The following TMEM178B variants were observed in gnomAD, a reference collection of about 807,000 sequenced individuals.
TMEM178B encodes transmembrane protein 178B.
Under a neutral mutation model 31.0 loss-of-function variants are expected in TMEM178B, and 5 were observed. The ratio of observed to expected loss-of-function variants is 0.16; its 90% CI spans 0.08 to 0.34. The LOEUF is 0.34. Ranked by LOEUF, TMEM178B falls within the 10% of genes least tolerant of loss-of-function variation. The probability of loss-of-function intolerance (pLI) is 1.00; values close to 1 mark genes in which losing one functional copy is unlikely to be tolerated. For missense variants in TMEM178B, 275 were observed against 400.3 expected, an observed-to-expected ratio of 0.69 and a Z score of 2.67; for synonymous variants, 164 against 164.0, an observed-to-expected ratio of 1.00 and a Z score of 0.00.
chr7:141,240,996 CTT>C (rs11285589), intron 2 of TMEM178B, among the ~76,000 whole-genome samples: 21,968 of 144,134 alleles, frequency 0.15, 2,132 homozygotes, highest in East Asian at 0.33. Flanking sequence ...TCTGGGATCC[CTT>C]TTTTTTTTTT....
chr7:141,444,491 T>C (rs1801717223), intron 3 of TMEM178B, among the ~76,000 whole-genome samples: 1 of 152,246 alleles, frequency 6.6e-6, no homozygotes, highest in East Asian at 1.9e-4. Context: ...CTTGTCCTCT[T>C]GTTGTCTTTA....
chr7:141,337,860 C>T (rs1272542746), intron 2 of TMEM178B, among the ~76,000 whole-genome samples: 4 of 151,214 alleles, frequency 2.6e-5, no homozygotes, highest in Admixed American at 6.6e-5. Context: ...TTTTTTGAGA[C>T]GGAGTCTCGC....
At chr7:141,387,080 A>G (rs1440723331) in intron 2 of TMEM178B, among the ~76,000 whole-genome samples, 2 of 152,184 alleles carry the variant, frequency 1.3e-5, no homozygotes, top group Non-Finnish European at 2.9e-5. Context: ...TGGGGAAGTC[A>G]TCATGAGCTA....
intron 2 of TMEM178B, among the ~76,000 whole-genome samples, chr7:141,273,193 G>A (rs897325439): frequency 2.6e-5 from 4 of 152,246 alleles, no homozygotes; most frequent in Non-Finnish European, 1.5e-5. Context: ...TGGAAGCAGA[G>A]TAGTAGAATG....
intron 1 of TMEM178B, among the ~76,000 whole-genome samples, chr7:141,121,590 G>A (rs1436140472): frequency 6.6e-6 from 1 of 152,110 alleles, no homozygotes. Flanking sequence ...TAAAAAGGGT[G>A]TGCATTTTTG....
intron 2 of TMEM178B, among the ~76,000 whole-genome samples, chr7:141,348,023 A>T (rs1374916811): frequency 2.6e-5 from 4 of 152,204 alleles, no homozygotes; most frequent in African/African-American, 9.6e-5. Flanking sequence ...GCTGGGAGAG[A>T]AAAGGGTTTA....
At chr7:141,498,286 C>T in the TMEM178B span, among the ~76,000 whole-genome samples, 1 of 152,184 alleles carries the variant, frequency 6.6e-6, no homozygotes, top group Non-Finnish European at 1.5e-5. Flanking sequence ...AAACTCCTTC[C>T]CCCATCAGAA....
chr7:141,510,965 T>TG, the TMEM178B span, among the ~76,000 whole-genome samples: 10,055 of 152,170 alleles, frequency 0.066, 926 homozygotes, highest in African/African-American at 0.21. Context: ...GGACCATTAC[T>TG]TCACTGTTGA....
Position 141,103,834 on chromosome 7 carries a change from T to C in TMEM178B, c.382+29142T>C, listed in dbSNP as rs977409558. Among the ~76,000 whole-genome samples, 3 of 152,340 alleles carry C rather than the reference T, an allele frequency of 2.0e-5. No homozygotes were observed. In the South Asian group the frequency reaches 6.2e-4, roughly 32 times the overall value. On this transcript the variant is annotated intron_variant, in intron 1 of 3. Transcript: ENST00000565468. ...ATTTATTGGCAGATTTTACTAAGAC[T>C]GTATTAGTGGTGGAATTATGGATTT...
At chr7:141,385,062 A>C (rs986358034) in intron 2 of TMEM178B, among the ~76,000 whole-genome samples, 3 of 152,228 alleles carry the variant, frequency 2.0e-5, no homozygotes, top group African/African-American at 7.2e-5. Context: ...ATTCAAAATG[A>C]AACCCAAAAC....
chr7:141,220,809 C>T (rs1797245799), intron 2 of TMEM178B, among the ~76,000 whole-genome samples: 1 of 152,162 alleles, frequency 6.6e-6, no homozygotes. Flanking sequence ...GAGAACAACC[C>T]CACTGTCCGC....
chr7:141,236,733 G>A (rs1797533117), intron 2 of TMEM178B, among the ~76,000 whole-genome samples: 1 of 152,206 alleles, frequency 6.6e-6, no homozygotes, highest in Admixed American at 6.5e-5. Flanking sequence ...AGGAAAAAGA[G>A]GTGATTATTT....
At chr7:141,448,264 C>T (rs1035889260) in intron 3 of TMEM178B, among the ~76,000 whole-genome samples, 2 of 152,016 alleles carry the variant, frequency 1.3e-5, no homozygotes, top group African/African-American at 4.8e-5. Context: ...GCAGGGCCTC[C>T]AGGGGAGGGA....
At chr7:141,174,053 C>T (rs1176722144) in intron 1 of TMEM178B, among the ~76,000 whole-genome samples, 1 of 152,166 alleles carries the variant, frequency 6.6e-6, no homozygotes. Flanking sequence ...TGATTTGCTG[C>T]ACCCATCAAC....
chr7:141,156,062 C>G (rs1796065160), intron 1 of TMEM178B, among the ~76,000 whole-genome samples: 1 of 152,150 alleles, frequency 6.6e-6, no homozygotes, highest in African/African-American at 2.4e-5. Flanking sequence ...GAGACTCCAT[C>G]TCAAACAACC....
chr7:141,212,117 A>G (rs1293647541), intron 1 of TMEM178B, among the ~76,000 whole-genome samples: 1 of 152,164 alleles, frequency 6.6e-6, no homozygotes, highest in Non-Finnish European at 1.5e-5. Context: ...TTCAGAGGTG[A>G]GGTTGGGAGG....
chr7:141,317,576 G>C lies in TMEM178B; in HGVS notation c.496+104872G>C, dbSNP rs376566064. Among the ~76,000 whole-genome samples the C allele has an allele frequency of 1.2e-4, 19 of 152,314 alleles. 1 individual carries two copies. The South Asian group carries it at 1.9e-3, about 15-fold the overall frequency. On this transcript the variant is annotated intron_variant, in intron 2 of 3. Transcript: ENST00000565468. ...CTAGGAGGACTTTTAAGGCCAAGAT[G>C]ACTTGTGGTCCTGGGGCCAAAATGC...
chr7:141,310,691 C>T (rs949987158), intron 2 of TMEM178B, among the ~76,000 whole-genome samples: 5 of 152,122 alleles, frequency 3.3e-5, no homozygotes, highest in African/African-American at 1.2e-4. Context: ...AACGCTTTTA[C>T]ACTGTTGCTG....
chr7:141,343,674 C>T (rs558437216), intron 2 of TMEM178B, among the ~76,000 whole-genome samples: 10 of 152,034 alleles, frequency 6.6e-5, no homozygotes, highest in South Asian at 4.2e-4. Context: ...CTCAGCCTCC[C>T]GAGTAGCTGG....
Sources: gnomAD v4.1 joint callset for allele counts (sites outside exome capture counted in the v4.1 genomes callset) on GRCh38, gnomAD v4.1.1 for gene constraint, MANE v1.5 for transcripts, NCBI Gene and HGNC (gene_info 2026-07-23, HGNC 2026-07-21) for gene names.